CTNND2: variants seen among roughly 807,000 people sequenced by gnomAD.
CTNND2 encodes the protein catenin delta-2.
Under a neutral mutation model 144.4 loss-of-function variants are expected in CTNND2, and 22 were observed. The ratio of observed to expected loss-of-function variants is 0.15; its 90% CI spans 0.11 to 0.22. CTNND2 has a LOEUF of 0.22. Ranked by LOEUF, CTNND2 falls within the 10% of genes least tolerant of loss-of-function variation. CTNND2 has a pLI of 1.00. For synonymous variants in CTNND2, 751 were observed against 695.6 expected (o/e 1.08, Z -1.25); for missense variants, 1,353 against 1,618.8 (o/e 0.84, Z 2.82).
intron 2 of CTNND2, among the ~76,000 whole-genome samples, chr5:11,580,433 T>C (rs960859288): frequency 1.3e-5 from 2 of 152,230 alleles, no homozygotes; most frequent in African/African-American, 2.4e-5. Context: ...GGCAGTGTTT[T>C]CAAAATTCAC....
chr5:11,435,021 C>G (rs927092323), intron 3 of CTNND2, among the ~76,000 whole-genome samples: 1 of 152,110 alleles, frequency 6.6e-6, no homozygotes, highest in South Asian at 2.1e-4. Context: ...AGACATTTTA[C>G]TTTATTACAG....
intron 1 of CTNND2, among the ~76,000 whole-genome samples, chr5:11,740,744 T>C (rs1473982362): frequency 1.3e-5 from 2 of 151,892 alleles, no homozygotes; most frequent in East Asian, 1.9e-4. Context: ...ATCATCAGAG[T>C]GAACAGGCAA....
intron 1 of CTNND2, among the ~76,000 whole-genome samples, chr5:11,843,385 T>C (rs767020650): frequency 5.9e-5 from 9 of 152,232 alleles, no homozygotes; most frequent in Admixed American, 1.3e-4. Context: ...AACATTTTTC[T>C]GAAGATGCCA....
At chr5:11,787,741 T>C (rs1185554272) in intron 1 of CTNND2, among the ~76,000 whole-genome samples, 1 of 152,208 alleles carries the variant, frequency 6.6e-6, no homozygotes, top group East Asian at 1.9e-4. Flanking sequence ...CATCCATGCC[T>C]GAACAATATG....
intron 16 of CTNND2, among the ~76,000 whole-genome samples, chr5:11,081,110 A>ACACACACACACACACT (rs1749527244): frequency 1.4e-5 from 2 of 141,910 alleles, no homozygotes; most frequent in Admixed American, 7.5e-5. Flanking sequence ...ACACACACTC[A>ACACACACACACACACT]CACACACACA....
intron 2 of CTNND2, among the ~76,000 whole-genome samples, chr5:11,731,479 A>G (rs1787386283): frequency 6.6e-6 from 1 of 152,230 alleles, no homozygotes; most frequent in Admixed American, 6.5e-5. Context: ...CATGTTTAGA[A>G]GAAGCAGTAA....
At chr5:11,781,957 C>T (rs975463957) in intron 1 of CTNND2, among the ~76,000 whole-genome samples, 3 of 152,206 alleles carry the variant, frequency 2.0e-5, no homozygotes, top group Non-Finnish European at 4.4e-5. Context: ...CCACCCAAAT[C>T]TCATCTTGGA....
At chr5:11,222,177 G>A (rs889892600) in intron 10 of CTNND2, among the ~76,000 whole-genome samples, 21 of 152,070 alleles carry the variant, frequency 1.4e-4, no homozygotes, top group Admixed American at 2.6e-4. Context: ...GAGAGGCGGG[G>A]GGAAGATAAA....
chr5:11,177,467 T>A (rs895199013), intron 11 of CTNND2, among the ~76,000 whole-genome samples: 2 of 152,178 alleles, frequency 1.3e-5, no homozygotes, highest in African/African-American at 4.8e-5. Context: ...TATTGGCCTA[T>A]ACAAGACTCT....
rs1358615056 is a variant in CTNND2, at chr5:11,385,133, C to T, written c.709G>A (p.Ala237Thr). The change falls in exon 7 of 22, where the codon GCC becomes ACC. Residue 237 changes from alanine (A) to threonine (T), a missense_variant. By Grantham distance (58) the Ala-to-Thr change is moderately conservative. This residue lies in a region of CTNND2 where 708 missense variants were observed against 706.4 expected (regional missense o/e 1.00). Coordinates refer to ENST00000304623, the MANE Select transcript of CTNND2 (RefSeq NM_001332.4). ...REPFAPSLGS[A>T]FHLPDAPPAA... The stretch of plus-strand genomic sequence containing the variant: ...GGCGGCGCGTCGGGCAGGTGGAAGG[C>T]GCTGCCCAGGCTGGGCGCGAACGGC... 1 of 1,012,692 alleles carries T rather than the reference C, an allele frequency of 9.9e-7. No individual in the cohort carries two copies. The highest frequency in any genetic ancestry group is 5.8e-5 in the Admixed American group (1 of 17,298). The allele number at this position is 1,012,692 out of a possible 1,614,324, so 62.7% of individuals were successfully genotyped here.
At chr5:11,594,009 A>C (rs1271638483) in intron 2 of CTNND2, among the ~76,000 whole-genome samples, 1 of 152,216 alleles carries the variant, frequency 6.6e-6, no homozygotes, top group Non-Finnish European at 1.5e-5. Flanking sequence ...GACAGTTGTG[A>C]ATTTCTTCTA....
At chr5:11,588,515 C>A (rs1404806238) in intron 2 of CTNND2, among the ~76,000 whole-genome samples, 1 of 152,110 alleles carries the variant, frequency 6.6e-6, no homozygotes, top group Non-Finnish European at 1.5e-5. Flanking sequence ...ATTCTTACAA[C>A]CACTTTCTGT....
intron 1 of CTNND2, among the ~76,000 whole-genome samples, chr5:11,746,721 T>C (rs996672309): frequency 2.0e-5 from 3 of 152,314 alleles, no homozygotes; most frequent in Admixed American, 1.3e-4. Context: ...TATTCATATT[T>C]ATAACCTCAG....
At position 11,800,770 on chromosome 5, in the gene CTNND2, A is replaced by G. The variant is rs77891944; in HGVS notation, c.38-68498T>C. On this transcript the variant is annotated intron_variant, in intron 1 of 21. Coordinates refer to ENST00000304623, the MANE Select transcript of CTNND2 (RefSeq NM_001332.4). ...CTCATCATATTCTCAGCTATTGGAA[A>G]ACCTAATCCTTCTCACTTAGAATTG... 0.014 allele frequency among the ~76,000 whole-genome samples: 2,183 copies of G among 152,298 alleles called. 125 individuals are homozygous for G. In the East Asian group the frequency reaches 0.19, roughly 13 times the overall value.
At chr5:11,263,115 C>A (rs956605750) in intron 9 of CTNND2, among the ~76,000 whole-genome samples, 1 of 152,170 alleles carries the variant, frequency 6.6e-6, no homozygotes, top group East Asian at 1.9e-4. Flanking sequence ...GACAAGAGAA[C>A]ACCTCTTCTA....
intron 1 of CTNND2, among the ~76,000 whole-genome samples, chr5:11,756,946 CA>C (rs1453626579): frequency 1.3e-5 from 2 of 151,446 alleles, no homozygotes; most frequent in African/African-American, 4.8e-5. Flanking sequence ...AATGTGACTC[CA>C]ATATAAAAAT....
chr5:11,199,768 A>G, intron 10 of CTNND2, 107 bp from the exon 11 acceptor site: 3 of 804,216 alleles, frequency 3.7e-6, no homozygotes, highest in South Asian at 3.1e-5. Context: ...ATCGCACCAA[A>G]CTGAATTAAG....
intron 12 of CTNND2, among the ~76,000 whole-genome samples, chr5:11,130,153 CAG>C (rs1374699072): frequency 6.6e-6 from 1 of 152,070 alleles, no homozygotes; most frequent in East Asian, 1.9e-4. Flanking sequence ...TGCTGAGCTG[CAG>C]AGACAGAATG....
At chr5:11,839,806 G>A (rs543259949) in intron 1 of CTNND2, among the ~76,000 whole-genome samples, 56 of 152,134 alleles carry the variant, frequency 3.7e-4, no homozygotes, top group Non-Finnish European at 6.0e-4. Flanking sequence ...GAGAGAGAGA[G>A]CATCTACCTG....
Sources: gnomAD v4.1 joint callset for allele counts (sites outside exome capture counted in the v4.1 genomes callset) on GRCh38, gnomAD v4.1.1 for gene constraint, gnomAD v4.1.1 regional missense constraint, MANE v1.5 for transcripts, NCBI Gene and HGNC (gene_info 2026-07-23, HGNC 2026-07-21) for gene names.